ESRRB: variants seen among roughly 807,000 people sequenced by gnomAD.
ESRRB encodes estrogen related receptor beta.
ESRRB carries 16 observed loss-of-function variants against 46.0 expected under a neutral mutation model. That is an observed-to-expected ratio of 0.35 (90% confidence interval 0.24 to 0.53). The LOEUF is 0.53. Ranked by LOEUF, ESRRB falls within the 20% of genes least tolerant of loss-of-function variation. ESRRB has a pLI of 0.93. For synonymous variants in ESRRB, 246 were observed against 259.6 expected, an observed-to-expected ratio of 0.95 and a Z score of 0.50; for missense variants, 488 against 607.4, an observed-to-expected ratio of 0.80 and a Z score of 2.07.
intron 1 of ESRRB, among the ~76,000 whole-genome samples, chr14:76,317,199 T>C (rs1883811338): frequency 2.0e-5 from 3 of 152,116 alleles, no homozygotes; most frequent in African/African-American, 7.2e-5. Context: ...ATGACAGCAA[T>C]GAAAAGTCTA....
chr14:76,410,794 T>C (rs1886402788), intron 1 of ESRRB, among the ~76,000 whole-genome samples: 1 of 152,114 alleles, frequency 6.6e-6, no homozygotes, highest in African/African-American at 2.4e-5. Flanking sequence ...TTTATTTTTT[T>C]ATTTTTTGAG....
chr14:76,317,364 G>T (rs1042515243), intron 1 of ESRRB, among the ~76,000 whole-genome samples: 1 of 148,054 alleles, frequency 6.8e-6, no homozygotes, highest in African/African-American at 2.5e-5. Flanking sequence ...GTGTTTTAGG[G>T]TTTACGGCAA....
intron 1 of ESRRB, among the ~76,000 whole-genome samples, chr14:76,427,537 A>G (rs928032566): frequency 3.9e-5 from 6 of 152,200 alleles, no homozygotes; most frequent in African/African-American, 1.2e-4. Context: ...ATGCAAATAC[A>G]TAATGAAATG....
upstream of ESRRB, among the ~76,000 whole-genome samples, chr14:76,373,092 C>A (rs926036348): frequency 6.6e-6 from 1 of 152,192 alleles, no homozygotes. Flanking sequence ...ACAAAAACAA[C>A]GTGAGCTGCT....
chr14:76,408,591 C>CAAAAAAAAAAA (rs35955826), intron 1 of ESRRB, among the ~76,000 whole-genome samples: 1 of 42,118 alleles, frequency 2.4e-5, no homozygotes, highest in African/African-American at 1.1e-4. Context: ...GACCCTGTCT[C>CAAAAAAAAAAA]AAAAAAAAAA....
intron 1 of ESRRB, among the ~76,000 whole-genome samples, chr14:76,312,333 T>G (rs1251535794): frequency 6.6e-6 from 1 of 152,232 alleles, no homozygotes; most frequent in Non-Finnish European, 1.5e-5. Context: ...TTATTTTGAC[T>G]GTTCTGAAAC....
chr14:76,319,584 ACT>A (rs1021550721), intron 1 of ESRRB, among the ~76,000 whole-genome samples: 7 of 151,896 alleles, frequency 4.6e-5, no homozygotes, highest in African/African-American at 1.5e-4. Flanking sequence ...TCATGTAATG[ACT>A]CTTGAGTTTT....
chr14:76,314,994 C>T lies in ESRRB; in HGVS notation c.2+4078C>T, dbSNP rs975218557. On this transcript the variant is annotated intron_variant, in intron 1 of 6. Coordinates refer to the ESRRB transcript ENST00000512784. Reference sequence around the variant, plus strand: ...AAGTGAGCAGTTTCTATTTGTTTCACGTGGGCCTTTTTTCCCTGTTTCATG... The same window carrying T: ...AAGTGAGCAGTTTCTATTTGTTTCATGTGGGCCTTTTTTCCCTGTTTCATG... 6.6e-5 allele frequency among the ~76,000 whole-genome samples: 10 copies of T among 152,176 alleles called. No individual in the cohort carries two copies. In the South Asian group the frequency reaches 8.3e-4, roughly 13 times the overall value.
chr14:76,333,028 T>A (rs866658209), intron 1 of ESRRB, among the ~76,000 whole-genome samples: 2 of 6,978 alleles, frequency 2.9e-4, no homozygotes, highest in African/African-American at 5.0e-4. Flanking sequence ...TATTATATAT[T>A]ATATATATTA....
In ESRRB at chr14:76,499,252, G is replaced by A. The variant is rs75599193; in HGVS notation, c.*794G>A. The A allele has an allele frequency of 0.013, 3,277 of 252,738 alleles. 30 individuals carry two copies. Among genetic ancestry groups the A allele is most frequent in the Non-Finnish European group, 0.018 (2,311 of 128,530 alleles). 15.7% of individuals were successfully genotyped at this position (252,738 alleles called of 1,614,324 possible). Reference sequence around the variant, plus strand: ...CTCCAGGGGCTGTAGACAGGAACGCGCTGGCACAGAGAAGAGCGGGGACCA... The same window carrying A: ...CTCCAGGGGCTGTAGACAGGAACGCACTGGCACAGAGAAGAGCGGGGACCA... On this transcript the variant is annotated 3_prime_UTR_variant, in exon 7 of 7. Coordinates refer to ENST00000644823, the MANE Select transcript of ESRRB (RefSeq NM_001379180.1).
chr14:76,393,086 G>A (rs1335895753), intron 1 of ESRRB, among the ~76,000 whole-genome samples: 2 of 152,250 alleles, frequency 1.3e-5, no homozygotes, highest in Non-Finnish European at 2.9e-5. Context: ...AAGGAGGCCT[G>A]CTTTGGTCTG....
intron 1 of ESRRB, among the ~76,000 whole-genome samples, chr14:76,315,688 G>T (rs969373509): frequency 6.6e-6 from 1 of 152,164 alleles, no homozygotes; most frequent in Non-Finnish European, 1.5e-5. Context: ...TTAAAGACAG[G>T]CTCCCACACC....
chr14:76,353,117 G>A lies in ESRRB; in HGVS notation c.2+42201G>A, dbSNP rs115382748. 3.4e-3 allele frequency among the ~76,000 whole-genome samples: 520 copies of A among 152,302 alleles called. 1 individual carries two copies. The highest frequency in any genetic ancestry group is 0.012 in the African/African-American group (482 of 41,570). ...TGTGAGAAAAGCTGCCTCGCTCTGC[G>A]GCCTCTCTCACGAGCGTGCCATTGT... On this transcript the variant is annotated intron_variant, in intron 1 of 6. Transcript: ENST00000512784.
intron 2 of ESRRB, among the ~76,000 whole-genome samples, chr14:76,457,154 G>C (rs2139977497): frequency 6.6e-6 from 1 of 152,250 alleles, no homozygotes; most frequent in Non-Finnish European, 1.5e-5. Flanking sequence ...AGAGCTGATG[G>C]TGGTGGTTAC....
At chr14:76,496,389 G>A (rs376769615) in intron 6 of ESRRB, among the ~76,000 whole-genome samples, 5 of 152,312 alleles carry the variant, frequency 3.3e-5, no homozygotes, top group African/African-American at 1.2e-4. Flanking sequence ...AGCAAGAGAC[G>A]GTTCGGTAGG....
intron 1 of ESRRB, among the ~76,000 whole-genome samples, chr14:76,378,371 G>A (rs1230127045): frequency 6.6e-6 from 1 of 152,162 alleles, no homozygotes; most frequent in Non-Finnish European, 1.5e-5. Flanking sequence ...GGGCAAAAAG[G>A]CAATGTCAGG....
chr14:76,370,459 G>A (rs552229848), upstream of ESRRB, among the ~76,000 whole-genome samples: 20 of 152,120 alleles, frequency 1.3e-4, no homozygotes, highest in East Asian at 3.9e-4. Context: ...TATGTGACAC[G>A]GACAAAAATA....
upstream of ESRRB, chr14:76,371,479 C>T (rs1884623859): frequency 6.6e-6 from 1 of 152,352 alleles, no homozygotes; most frequent in Admixed American, 6.5e-5. Flanking sequence ...AATGGAAGCT[C>T]TTCCTGGACA....
chr14:76,397,785 CA>C (rs1353471834), intron 1 of ESRRB, among the ~76,000 whole-genome samples: 2 of 151,604 alleles, frequency 1.3e-5, no homozygotes, highest in Non-Finnish European at 2.9e-5. Flanking sequence ...TAATTTGGGG[CA>C]AAAAGGGGGC....
Sources: gnomAD v4.1 joint callset for allele counts (sites outside exome capture counted in the v4.1 genomes callset) on GRCh38, gnomAD v4.1.1 for gene constraint, MANE v1.5 for transcripts, NCBI Gene and HGNC (gene_info 2026-07-23, HGNC 2026-07-21) for gene names.